SLC22A23: variants seen among roughly 807,000 people sequenced by gnomAD.
SLC22A23 encodes ion transporter protein.
A neutral mutation model predicts 61.0 loss-of-function variants in SLC22A23; 26 were observed. The ratio of observed to expected loss-of-function variants is 0.43; its 90% CI spans 0.31 to 0.59. The LOEUF (loss-of-function observed/expected upper bound fraction) is 0.59. Among genes scored for constraint, SLC22A23 ranks in the 20% least tolerant of loss-of-function variants. SLC22A23 has a pLI of 0.11. For synonymous variants in SLC22A23, 430 were observed against 413.9 expected, an observed-to-expected ratio of 1.04 and a Z score of -0.47; for missense variants, 796 against 934.7, an observed-to-expected ratio of 0.85 and a Z score of 1.94.
chr6:3,353,985 A>C (rs535742970), intron 3 of SLC22A23, among the ~76,000 whole-genome samples: 56 of 152,366 alleles, frequency 3.7e-4, no homozygotes, highest in African/African-American at 1.3e-3. Flanking sequence ...AGGCACAAGG[A>C]AAAATGCTGG....
At chr6:3,287,854 T>C (rs1012798237) in intron 6 of SLC22A23, among the ~76,000 whole-genome samples, 4 of 152,090 alleles carry the variant, frequency 2.6e-5, no homozygotes, top group Non-Finnish European at 5.9e-5. Context: ...CAGCTAATTT[T>C]TGTATTTTTT....
At chr6:3,352,070 C>T (rs906846262) in intron 3 of SLC22A23, among the ~76,000 whole-genome samples, 6 of 151,868 alleles carry the variant, frequency 4.0e-5, no homozygotes, top group Admixed American at 1.3e-4. Flanking sequence ...CCTCCCCAGG[C>T]AGGGCTGCTG....
chr6:3,439,155 G>A (rs2127548383), intron 1 of SLC22A23: 1 of 334,452 alleles, frequency 3.0e-6, no homozygotes, highest in South Asian at 2.4e-5. Context: ...ACAGTCCTGT[G>A]CCCTGTAGGA....
At chr6:3,365,352 G>A (rs549704544) in intron 3 of SLC22A23, among the ~76,000 whole-genome samples, 18 of 152,180 alleles carry the variant, frequency 1.2e-4, no homozygotes, top group Non-Finnish European at 2.1e-4. Flanking sequence ...AAAATAAACC[G>A]CCCTAGCTCC....
chr6:3,435,346 A>T (rs758489994), intron 1 of SLC22A23, among the ~76,000 whole-genome samples: 2 of 140,840 alleles, frequency 1.4e-5, no homozygotes, highest in Non-Finnish European at 3.1e-5. Context: ...CCTCTCTTCC[A>T]CCATCCCTGC....
rs973278989 is a variant in SLC22A23 at position 3,333,995 on chromosome 6, G to C, written c.914-9993C>G. On this transcript the variant is annotated intron_variant, in intron 3 of 9. Transcript: ENST00000406686. The surrounding 1 kb of genome is among the most constrained non-coding windows in gnomAD (Gnocchi z 4.1). ...TGCTTCAGGGAACACCCTTTGAAAAGCAGTGTTCTGAACACTGAAGAGTTT... is the reference window on the plus strand; with the variant it reads ...TGCTTCAGGGAACACCCTTTGAAAACCAGTGTTCTGAACACTGAAGAGTTT... Among the ~76,000 whole-genome samples, 1 of 152,236 alleles carries C rather than the reference G, an allele frequency of 6.6e-6. No homozygotes were observed. Among genetic ancestry groups the C allele is most frequent in the African/African-American group, 2.4e-5 (1 of 41,472 alleles).
intron 5 of SLC22A23, among the ~76,000 whole-genome samples, chr6:3,296,567 G>T (rs565447133): frequency 1.1e-4 from 17 of 152,332 alleles, no homozygotes; most frequent in African/African-American, 4.1e-4. Flanking sequence ...TGAGTGCCAT[G>T]TGAGTGTCAT....
rs530038839 is a variant in SLC22A23, at chr6:3,304,897, G to A, written c.1083-6679C>T. On this transcript the variant is annotated intron_variant, in intron 4 of 9. Transcript: ENST00000406686. The surrounding 1 kb of genome is among the most constrained non-coding windows in gnomAD (Gnocchi z 4.3). ...GTGAGAAGACGCAGGGAGAGGAGAG[G>A]GATGCAGGGCCCAGGGAGTGGAAGA... is the stretch of plus-strand genomic sequence containing the variant. Among the ~76,000 whole-genome samples, 8 of 152,194 alleles carry A rather than the reference G, an allele frequency of 5.3e-5. No homozygotes were observed. In the South Asian group the frequency reaches 1.7e-3, roughly 32 times the overall value.
intron 5 of SLC22A23, chr6:3,291,751 T>C (rs181469973): frequency 1.3e-5 from 2 of 152,354 alleles, no homozygotes; most frequent in African/African-American, 2.4e-5. Context: ...TTTGCTATTA[T>C]AGAACTCATC....
chr6:3,429,144 A>T (rs951721415), intron 1 of SLC22A23, among the ~76,000 whole-genome samples: 2 of 152,286 alleles, frequency 1.3e-5, no homozygotes, highest in South Asian at 4.1e-4. Flanking sequence ...GGGATTTTAA[A>T]GGCTGGGGTA....
chr6:3,363,257 C>T (rs1196028391), intron 3 of SLC22A23, among the ~76,000 whole-genome samples: 1 of 152,250 alleles, frequency 6.6e-6, no homozygotes, highest in East Asian at 1.9e-4. Context: ...GGCCCATCCT[C>T]ACCAGGCGCA....
intron 9 of SLC22A23, among the ~76,000 whole-genome samples, chr6:3,279,434 C>T (rs1429971705): frequency 7.4e-6 from 1 of 135,606 alleles, no homozygotes; most frequent in East Asian, 2.3e-4. Context: ...TCACTTGAAC[C>T]AGGGAGTTGG....
intron 3 of SLC22A23, among the ~76,000 whole-genome samples, chr6:3,382,137 G>T (rs920055452): frequency 6.6e-6 from 1 of 152,196 alleles, no homozygotes; most frequent in Admixed American, 6.5e-5. Context: ...TTCTCCATGA[G>T]AATCTATTCT....
intron 1 of SLC22A23, chr6:3,432,126 C>G: frequency 1.2e-6 from 1 of 852,918 alleles, no homozygotes; most frequent in Non-Finnish European, 1.4e-6. Context: ...GCTGAGTAAT[C>G]CCCAAGGTTC....
intron 3 of SLC22A23, among the ~76,000 whole-genome samples, chr6:3,395,220 T>C (rs908964912): frequency 1.3e-5 from 2 of 152,224 alleles, no homozygotes; most frequent in Non-Finnish European, 2.9e-5. Context: ...TGTGAACCTA[T>C]AATAAGATTT....
At chr6:3,366,423 G>A (rs1291616730) in intron 3 of SLC22A23, among the ~76,000 whole-genome samples, 1 of 151,190 alleles carries the variant, frequency 6.6e-6, no homozygotes, top group African/African-American at 2.4e-5. Context: ...TGTAGTCTTG[G>A]TCCACCTTGT....
At chr6:3,429,566 C>T (rs1216324668) in intron 1 of SLC22A23, among the ~76,000 whole-genome samples, 1 of 152,174 alleles carries the variant, frequency 6.6e-6, no homozygotes, top group Non-Finnish European at 1.5e-5. Context: ...GTAGACCCCC[C>T]AAAAGCAAAA....
intron 9 of SLC22A23, among the ~76,000 whole-genome samples, chr6:3,281,936 G>C (rs1243840002): frequency 6.6e-6 from 1 of 152,186 alleles, no homozygotes; most frequent in African/African-American, 2.4e-5. Context: ...GAACATGTTT[G>C]TTGAATTTCT....
rs549169483 is a variant in SLC22A23, at chr6:3,401,910, C to A, written c.913+8278G>T. ...ATGCCCTAAGTCTCCATCAGCTTAC[C>A]AGGTCTGAAACAGAGGTCATCATCT... On this transcript the variant is annotated intron_variant, in intron 3 of 9. Coordinates refer to ENST00000406686, the MANE Select transcript of SLC22A23 (RefSeq NM_015482.2). Among the ~76,000 whole-genome samples the A allele has an allele frequency of 9.2e-5, 14 of 152,330 alleles. No homozygotes were observed. The East Asian group carries it at 2.1e-3, about 23-fold the overall frequency.
Sources: allele counts gnomAD v4.1 joint callset (sites outside exome capture counted in the v4.1 genomes callset), GRCh38; gene constraint gnomAD v4.1.1; non-coding constraint Gnocchi (gnomAD v3.1); transcripts MANE v1.5; gene names NCBI Gene and HGNC (gene_info 2026-07-23, HGNC 2026-07-21).